Variants in NAALADL2 observed in about 807,000 individuals in gnomAD.
NAALADL2 encodes N-acetylated alpha-linked acidic dipeptidase like 2.
Under a neutral mutation model 87.2 loss-of-function variants are expected in NAALADL2, and 76 were observed. The observed-to-expected ratio is 0.87, with a 90% CI of 0.72 to 1.05. NAALADL2 has a LOEUF of 1.05. Ranked by LOEUF, NAALADL2 falls within the 50% of genes least tolerant of loss-of-function variation. NAALADL2 has a pLI of 0.00. For missense variants in NAALADL2, 1,089 were observed against 945.8 expected, an observed-to-expected ratio of 1.15 and a Z score of -1.99; for synonymous variants, 354 against 331.0, an observed-to-expected ratio of 1.07 and a Z score of -0.75.
intron 1 of NAALADL2, among the ~76,000 whole-genome samples, chr3:175,020,751 A>G (rs753189473): frequency 5.7e-4 from 87 of 152,018 alleles, no homozygotes; most frequent in African/African-American, 1.9e-3. Context: ...AAGGCTCTTC[A>G]GTACCTTTGG....
chr3:175,608,607 A>G (rs151250386), intron 10 of NAALADL2, among the ~76,000 whole-genome samples: 4 of 152,138 alleles, frequency 2.6e-5, no homozygotes, highest in Admixed American at 2.6e-4. Flanking sequence ...AAATGAGACA[A>G]TCCTTTAAAC....
chr3:174,735,433 T>C (rs1399087439), intron 2 of NAALADL2, among the ~76,000 whole-genome samples: 1 of 152,244 alleles, frequency 6.6e-6, no homozygotes, highest in African/African-American at 2.4e-5. Context: ...CATACAGGTA[T>C]GAAGAGAGAA....
At chr3:175,612,418 C>T (rs1036791731) in intron 10 of NAALADL2, among the ~76,000 whole-genome samples, 15 of 151,998 alleles carry the variant, frequency 9.9e-5, no homozygotes, top group African/African-American at 3.6e-4. Flanking sequence ...GTGTTTTCAC[C>T]CAGATTATGA....
intron 2 of NAALADL2, among the ~76,000 whole-genome samples, chr3:174,729,063 T>C (rs1732460427): frequency 2.0e-5 from 3 of 152,032 alleles, no homozygotes; most frequent in Non-Finnish European, 2.9e-5. Context: ...TTTATTTCCA[T>C]AGTCAATCTT....
At chr3:175,759,215 G>A (rs1235644930) in intron 13 of NAALADL2, among the ~76,000 whole-genome samples, 1 of 152,048 alleles carries the variant, frequency 6.6e-6, no homozygotes, top group Non-Finnish European at 1.5e-5. Flanking sequence ...TCTAATTCAA[G>A]AGCTAAAATA....
rs1466910351 is a variant in NAALADL2, at chr3:174,820,156, G to A, written c.-9+82410G>A. ...CTAGAAAATTACTACTGCTCACTCT[G>A]CCACAATACATAGATGTGAGGCTAC... On this transcript the variant is annotated intron_variant, in intron 3 of 3. Transcript: ENST00000434257. Among the ~76,000 whole-genome samples, 4 of 152,100 alleles carry A rather than the reference G, an allele frequency of 2.6e-5. No homozygotes were observed. In the East Asian group the frequency reaches 7.7e-4, roughly 29 times the overall value.
intron 2 of NAALADL2, among the ~76,000 whole-genome samples, chr3:174,657,991 C>G (rs1171285969): frequency 1.3e-5 from 2 of 152,088 alleles, no homozygotes; most frequent in Non-Finnish European, 2.9e-5. Context: ...GAATAATACC[C>G]CACTTTCTTG....
At chr3:175,606,073 T>C (rs138117678) in intron 10 of NAALADL2, among the ~76,000 whole-genome samples, 3 of 152,324 alleles carry the variant, frequency 2.0e-5, no homozygotes, top group East Asian at 1.9e-4. Context: ...TACGATGTTG[T>C]ATGTCCTCAG....
intron 2 of NAALADL2, among the ~76,000 whole-genome samples, chr3:174,706,226 G>T (rs909233171): frequency 2.0e-5 from 3 of 152,114 alleles, no homozygotes; most frequent in African/African-American, 7.2e-5. Context: ...TTCAAAAAAT[G>T]GTGCTGGGGC....
chr3:175,178,392 G>C (rs1007803598), intron 2 of NAALADL2, among the ~76,000 whole-genome samples: 1 of 151,884 alleles, frequency 6.6e-6, no homozygotes, highest in Non-Finnish European at 1.5e-5. Flanking sequence ...AAATAATCTT[G>C]AGTAAACTAG....
At chr3:174,939,905 C>G (rs1367235499) in intron 1 of NAALADL2, among the ~76,000 whole-genome samples, 1 of 151,910 alleles carries the variant, frequency 6.6e-6, no homozygotes, top group Non-Finnish European at 1.5e-5. Flanking sequence ...AAACTTTTGT[C>G]CCAAGACTAT....
At chr3:175,018,667 G>T (rs553641126) in intron 1 of NAALADL2, among the ~76,000 whole-genome samples, 1 of 151,976 alleles carries the variant, frequency 6.6e-6, no homozygotes, top group Non-Finnish European at 1.5e-5. Context: ...CACTACCACA[G>T]TTTAAATGGC....
intron 2 of NAALADL2, among the ~76,000 whole-genome samples, chr3:175,199,846 ATATATATATATATATATATTTTTTTTT>A (rs1180976332): frequency 6.3e-5 from 1 of 15,856 alleles, no homozygotes; most frequent in East Asian, 2.0e-3. Flanking sequence ...ATATATATAT[ATATATATATATATATATATTTTTTTTT>A]TTTTTTTTTT....
At chr3:175,541,861 C>T (rs1334701328) in intron 9 of NAALADL2, among the ~76,000 whole-genome samples, 1 of 152,164 alleles carries the variant, frequency 6.6e-6, no homozygotes, top group Non-Finnish European at 1.5e-5. Context: ...TCTGGGATTA[C>T]AGGTGTGTGA....
intron 4 of NAALADL2, among the ~76,000 whole-genome samples, chr3:175,297,530 C>G (rs1399200324): frequency 5.9e-5 from 9 of 152,160 alleles, no homozygotes; most frequent in Non-Finnish European, 1.5e-5. Flanking sequence ...TTGCCTTTCC[C>G]TATTTGTGTA....
intron 2 of NAALADL2, among the ~76,000 whole-genome samples, chr3:175,225,929 A>AT (rs1321530269): frequency 6.6e-6 from 1 of 151,916 alleles, no homozygotes; most frequent in African/African-American, 2.4e-5. Context: ...ATAATACTGG[A>AT]TTTTTTTTCT....
chr3:174,789,194 T>G (rs1372513533), intron 3 of NAALADL2, among the ~76,000 whole-genome samples: 1 of 152,182 alleles, frequency 6.6e-6, no homozygotes, highest in African/African-American at 2.4e-5. Flanking sequence ...ACTCCAGGAC[T>G]GGGAGAGAGC....
At chr3:174,795,021 C>A (rs985950812) in intron 3 of NAALADL2, among the ~76,000 whole-genome samples, 1 of 84,480 alleles carries the variant, frequency 1.2e-5, no homozygotes. Context: ...GACAGAGTTT[C>A]GCTCTTGTTG....
chr3:175,462,406 C>T (rs1723281552), intron 6 of NAALADL2, among the ~76,000 whole-genome samples: 1 of 152,074 alleles, frequency 6.6e-6, no homozygotes, highest in Admixed American at 6.5e-5. Context: ...TTAATGGATT[C>T]AGTATACGGA....
Sources: allele counts gnomAD v4.1 joint callset (sites outside exome capture counted in the v4.1 genomes callset), GRCh38; gene constraint gnomAD v4.1.1; transcripts MANE v1.5; gene names NCBI Gene and HGNC (gene_info 2026-07-23, HGNC 2026-07-21).